TMEM178B: variants seen among roughly 807,000 people sequenced by gnomAD.
TMEM178B encodes transmembrane protein 178B.
TMEM178B carries 5 observed loss-of-function variants against 31.0 expected under a neutral mutation model. The ratio of observed to expected loss-of-function variants is 0.16; its 90% confidence interval spans 0.08 to 0.34. TMEM178B has a LOEUF of 0.34. Among genes scored for constraint, TMEM178B ranks in the 10% least tolerant of loss-of-function variants. The probability of loss-of-function intolerance (pLI) is 1.00; values close to 1 mark genes in which losing one functional copy is unlikely to be tolerated. For missense variants in TMEM178B, 275 were observed against 400.3 expected, an observed-to-expected ratio of 0.69 and a Z score of 2.67; for synonymous variants, 164 against 164.0, an observed-to-expected ratio of 1.00 and a Z score of 0.00.
rs116572685 is a variant in TMEM178B, at chr7:141,253,292, C to T, written c.496+40588C>T. On this transcript the variant is annotated intron_variant, in intron 2 of 3. Coordinates refer to ENST00000565468, the MANE Select transcript of TMEM178B (RefSeq NM_001195278.2). ...AGAATTCCTTCCTTAAACTCTTTCC[C>T]GTTAACTCCCTCTGAGCATGCCCAC... Among the ~76,000 whole-genome samples, 790 of 152,222 alleles carry T rather than the reference C, an allele frequency of 5.2e-3. 8 individuals carry two copies. The highest frequency in any genetic ancestry group is 0.018 in the African/African-American group (748 of 41,536).
intron 2 of TMEM178B, among the ~76,000 whole-genome samples, chr7:141,260,600 T>C (rs1433586108): frequency 1.3e-5 from 2 of 152,314 alleles, no homozygotes; most frequent in East Asian, 3.9e-4. Context: ...CAAGTAATCT[T>C]ATTTATGCAG....
intron 1 of TMEM178B, among the ~76,000 whole-genome samples, chr7:141,090,878 A>G (rs1794869848): frequency 6.6e-6 from 1 of 152,180 alleles, no homozygotes; most frequent in African/African-American, 2.4e-5. Context: ...AATGCCAGTG[A>G]CTGTTGTTCA....
At chr7:141,221,749 G>T (rs764375115) in intron 2 of TMEM178B, among the ~76,000 whole-genome samples, 3 of 152,190 alleles carry the variant, frequency 2.0e-5, no homozygotes, top group Non-Finnish European at 4.4e-5. Context: ...AAGATGGGGA[G>T]GGCAGCAGGA....
At chr7:141,444,095 A>T (rs1801709857) in intron 3 of TMEM178B, among the ~76,000 whole-genome samples, 1 of 152,196 alleles carries the variant, frequency 6.6e-6, no homozygotes, top group African/African-American at 2.4e-5. Flanking sequence ...ACCTAGAATC[A>T]GCCGTTTCTT....
intron 2 of TMEM178B, among the ~76,000 whole-genome samples, chr7:141,402,299 C>A (rs1250034749): frequency 1.3e-5 from 2 of 152,180 alleles, no homozygotes; most frequent in Non-Finnish European, 2.9e-5. Context: ...TTAGCTCACT[C>A]CGTTTTCCCC....
intron 1 of TMEM178B, among the ~76,000 whole-genome samples, chr7:141,197,424 T>G (rs1398233822): frequency 6.6e-6 from 1 of 152,196 alleles, no homozygotes. Context: ...AAGTTGCTCT[T>G]CCTTTTTTCA....
chr7:141,195,754 A>C (rs2129185490), intron 1 of TMEM178B, among the ~76,000 whole-genome samples: 1 of 152,316 alleles, frequency 6.6e-6, no homozygotes, highest in East Asian at 1.9e-4. Context: ...CATACCCAAG[A>C]CTGGGAAGAA....
At chr7:141,451,931 G>C (rs996494377) in intron 3 of TMEM178B, among the ~76,000 whole-genome samples, 1 of 152,142 alleles carries the variant, frequency 6.6e-6, no homozygotes, top group African/African-American at 2.4e-5. Context: ...CCTGTCACCT[G>C]TCCTTGACCG....
intron 2 of TMEM178B, among the ~76,000 whole-genome samples, chr7:141,386,521 A>AC (rs1185273731): frequency 6.6e-6 from 1 of 152,170 alleles, no homozygotes; most frequent in Admixed American, 6.5e-5. Context: ...ATGGGGTACA[A>AC]TTTGATGTTT....
At chr7:141,445,698 C>A (rs1353869208) in intron 3 of TMEM178B, among the ~76,000 whole-genome samples, 1 of 152,152 alleles carries the variant, frequency 6.6e-6, no homozygotes, top group Non-Finnish European at 1.5e-5. Context: ...TTACAATAAA[C>A]CCTTGATAAA....
At chr7:141,270,203 G>A (rs1380023092) in intron 2 of TMEM178B, among the ~76,000 whole-genome samples, 2 of 152,188 alleles carry the variant, frequency 1.3e-5, no homozygotes, top group Non-Finnish European at 1.5e-5. Context: ...TCTGATTTTT[G>A]TATGGTCAGT....
chr7:141,426,116 T>C (rs1017739757), intron 2 of TMEM178B, among the ~76,000 whole-genome samples: 4 of 152,134 alleles, frequency 2.6e-5, no homozygotes, highest in Non-Finnish European at 5.9e-5. Context: ...AAAAATGAGA[T>C]TGGAGAAGAG....
At chr7:141,274,730 A>T (rs190604570) in intron 2 of TMEM178B, among the ~76,000 whole-genome samples, 5 of 152,290 alleles carry the variant, frequency 3.3e-5, no homozygotes, top group African/African-American at 1.2e-4. Context: ...GGAGTTTGTG[A>T]TCTAGAAGGA....
chr7:141,196,555 G>A (rs758955), intron 1 of TMEM178B, among the ~76,000 whole-genome samples: 109,389 of 152,136 alleles, frequency 0.72, 39,808 homozygotes, highest in African/African-American at 0.78. Context: ...TTAAAAAATA[G>A]TTAATTCCAT....
At chr7:141,501,840 C>T in the TMEM178B span, among the ~76,000 whole-genome samples, 4 of 148,188 alleles carry the variant, frequency 2.7e-5, no homozygotes, top group Non-Finnish European at 5.9e-5. Context: ...TAGAATCAGT[C>T]TCTCATGCTC....
chr7:141,381,329 A>G (rs1414653058), intron 2 of TMEM178B, among the ~76,000 whole-genome samples: 1 of 152,234 alleles, frequency 6.6e-6, no homozygotes, highest in African/African-American at 2.4e-5. Context: ...TTTATTCATA[A>G]TAAAGATGTA....
At chr7:141,271,076 C>A (rs1049692764) in intron 2 of TMEM178B, among the ~76,000 whole-genome samples, 1 of 152,178 alleles carries the variant, frequency 6.6e-6, no homozygotes, top group Non-Finnish European at 1.5e-5. Context: ...AAGGGACAAT[C>A]GATTGTCTCC....
rs1295641458 is a variant in TMEM178B, at chr7:141,461,937, A to C, written c.635-8599A>C. ...TTCCCTGGTGACATTTCAGGGTGGC[A>C]AAAATTAGCTGCTCCCCAACAGTGC... is the stretch of plus-strand genomic sequence containing the variant. On this transcript the variant is annotated intron_variant, in intron 3 of 3. Coordinates refer to ENST00000565468, the MANE Select transcript of TMEM178B (RefSeq NM_001195278.2). This position sits in a 1 kb window ranked among gnomAD's most constrained non-coding sequence, Gnocchi z 4.0. Among the ~76,000 whole-genome samples the C allele has an allele frequency of 6.6e-6, 1 of 152,188 alleles. No individual in the cohort carries two copies. Among genetic ancestry groups the C allele is most frequent in the African/African-American group, 2.4e-5 (1 of 41,434 alleles).
chr7:141,192,530 C>G (rs1186368022), intron 1 of TMEM178B, among the ~76,000 whole-genome samples: 1 of 151,456 alleles, frequency 6.6e-6, no homozygotes, highest in Admixed American at 6.6e-5. Flanking sequence ...ACTCTGTCGC[C>G]CAGGCTGGAG....
Sources: gnomAD v4.1 joint callset for allele counts (sites outside exome capture counted in the v4.1 genomes callset) on GRCh38, gnomAD v4.1.1 for gene constraint, Gnocchi (gnomAD v3.1) non-coding constraint, MANE v1.5 for transcripts, NCBI Gene and HGNC (gene_info 2026-07-23, HGNC 2026-07-21) for gene names.